Variants in NR6A1 observed in about 807,000 individuals in gnomAD.
NR6A1 encodes the protein retinoic acid receptor-related testis-associated receptor.
In NR6A1, 7 loss-of-function variants were observed where a neutral mutation model predicts 59.1. That is an observed-to-expected ratio of 0.12 (90% CI 0.07 to 0.22). The LOEUF is 0.22. Among genes scored for constraint, NR6A1 ranks in the 10% least tolerant of loss-of-function variants. The pLI is 1.00. For missense variants in NR6A1, 468 were observed against 611.6 expected (o/e 0.77, Z 2.48); for synonymous variants, 243 against 236.1 (o/e 1.03, Z -0.27).
intron 2 of NR6A1, among the ~76,000 whole-genome samples, chr9:124,617,958 A>G (rs967176247): frequency 2.0e-5 from 3 of 152,222 alleles, no homozygotes; most frequent in Admixed American, 6.5e-5. Context: ...ACCTTTATCA[A>G]CTAGAATCTT....
At chr9:124,533,386 A>T (rs1266687750) in intron 7 of NR6A1, among the ~76,000 whole-genome samples, 1 of 152,250 alleles carries the variant, frequency 6.6e-6, no homozygotes, top group Non-Finnish European at 1.5e-5. Context: ...AGCTGGGTTC[A>T]AAACTCTGTC....
intron 2 of NR6A1, among the ~76,000 whole-genome samples, chr9:124,582,688 A>T (rs1243419588): frequency 6.6e-6 from 1 of 152,082 alleles, no homozygotes; most frequent in Non-Finnish European, 1.5e-5. Context: ...GGAATTTGAG[A>T]CCAGCCAGGC....
intron 2 of NR6A1, among the ~76,000 whole-genome samples, chr9:124,582,402 C>A (rs779719022): frequency 6.6e-6 from 1 of 152,070 alleles, no homozygotes; most frequent in Non-Finnish European, 1.5e-5. Flanking sequence ...ACAACACACA[C>A]TGGGGCTTAC....
intron 2 of NR6A1, among the ~76,000 whole-genome samples, chr9:124,596,723 A>T (rs1006416707): frequency 1.3e-5 from 2 of 152,214 alleles, no homozygotes; most frequent in African/African-American, 4.8e-5. Context: ...AGCAGAGTGT[A>T]TAACACCGAG....
At chr9:124,534,274 T>C (rs774010445) in intron 7 of NR6A1, among the ~76,000 whole-genome samples, 9 of 151,960 alleles carry the variant, frequency 5.9e-5, no homozygotes, top group Admixed American at 1.3e-4. Flanking sequence ...GGGTTCTCCA[T>C]GTCAGTCAGG....
intron 2 of NR6A1, chr9:124,599,663 C>T: frequency 9.2e-7 from 1 of 1,083,118 alleles, no homozygotes; most frequent in African/African-American, 1.7e-5. Context: ...TAGCTCCTTC[C>T]CTCTGCGTCT....
chr9:124,703,776 T>C (rs1256762006), intron 2 of NR6A1, among the ~76,000 whole-genome samples: 1 of 152,216 alleles, frequency 6.6e-6, no homozygotes, highest in Non-Finnish European at 1.5e-5. Context: ...AAGTGTTCCT[T>C]CCTCTTCTGT....
chr9:124,628,258 C>T (rs905391904), intron 2 of NR6A1, among the ~76,000 whole-genome samples: 1 of 152,124 alleles, frequency 6.6e-6, no homozygotes, highest in Non-Finnish European at 1.5e-5. Flanking sequence ...GAACTCCTGA[C>T]CTCAGGTGAT....
At chr9:124,686,837 G>A (rs1353422902) in intron 2 of NR6A1, among the ~76,000 whole-genome samples, 6 of 151,722 alleles carry the variant, frequency 4.0e-5, no homozygotes, top group African/African-American at 1.5e-4. Flanking sequence ...CTGAGTAGCT[G>A]GAGCCACAGG....
chr9:124,650,763 G>GA (rs1837076645), intron 2 of NR6A1, among the ~76,000 whole-genome samples: 1 of 152,148 alleles, frequency 6.6e-6, no homozygotes, highest in African/African-American at 2.4e-5. Context: ...TTCCAAAACA[G>GA]AAAGCAGTAG....
intron 4 of NR6A1, 151 bp from the exon 5 acceptor site, chr9:124,540,338 G>A (rs1833408111): frequency 1.2e-6 from 1 of 816,874 alleles, no homozygotes; most frequent in Admixed American, 2.9e-5. Flanking sequence ...ACTAATCTTA[G>A]GACGGCGTGG....
At chr9:124,581,763 G>A (rs763468757) in intron 2 of NR6A1, among the ~76,000 whole-genome samples, 40 of 152,046 alleles carry the variant, frequency 2.6e-4, no homozygotes, top group Admixed American at 2.2e-3. Context: ...AAAGTGGGCC[G>A]AGGATATGAA....
At chr9:124,632,324 C>T (rs533713527) in intron 2 of NR6A1, among the ~76,000 whole-genome samples, 5 of 152,134 alleles carry the variant, frequency 3.3e-5, no homozygotes, top group South Asian at 2.1e-4. Flanking sequence ...ATCTTGCCAG[C>T]GTCTGTTATT....
intron 2 of NR6A1, among the ~76,000 whole-genome samples, chr9:124,716,060 T>C (rs1437707138): frequency 6.6e-6 from 1 of 151,960 alleles, no homozygotes; most frequent in Non-Finnish European, 1.5e-5. Context: ...AAAATTAGCC[T>C]GGCATGGTGG....
At chr9:124,602,759 A>C (rs1289644568) in intron 2 of NR6A1, among the ~76,000 whole-genome samples, 2 of 152,198 alleles carry the variant, frequency 1.3e-5, no homozygotes, top group Non-Finnish European at 2.9e-5. Context: ...TAAGTGTGGC[A>C]TGATCTCATT....
chr9:124,645,655 T>C (rs1229769965), intron 2 of NR6A1, among the ~76,000 whole-genome samples: 2 of 152,122 alleles, frequency 1.3e-5, no homozygotes, highest in African/African-American at 2.4e-5. Flanking sequence ...CAAAACCTGA[T>C]AGAACTACAA....
chr9:124,526,402 G>C (rs1019927647), intron 8 of NR6A1, among the ~76,000 whole-genome samples: 1 of 152,048 alleles, frequency 6.6e-6, no homozygotes, highest in Non-Finnish European at 1.5e-5. Context: ...AGTTTCATCA[G>C]TCACTCTGCT....
At chr9:124,611,882 GT>G (rs1564201218) in intron 2 of NR6A1, among the ~76,000 whole-genome samples, 1 of 152,122 alleles carries the variant, frequency 6.6e-6, no homozygotes, top group Admixed American at 6.5e-5. Flanking sequence ...AGATGAATGA[GT>G]CAAGATCTTA....
chr9:124,756,330 T>C (rs1840629451), intron 1 of NR6A1, among the ~76,000 whole-genome samples: 1 of 152,214 alleles, frequency 6.6e-6, no homozygotes, highest in African/African-American at 2.4e-5. Flanking sequence ...TTAAAGAGCA[T>C]TATAAAACCT....
Sources: gnomAD v4.1 joint callset for allele counts (sites outside exome capture counted in the v4.1 genomes callset) on GRCh38, gnomAD v4.1.1 for gene constraint, MANE v1.5 for transcripts, NCBI Gene and HGNC (gene_info 2026-07-23, HGNC 2026-07-21) for gene names.